Variants in RPS6KC1 observed in about 807,000 individuals in gnomAD.
RPS6KC1 encodes the protein inactive ribosomal protein S6 kinase delta-1.
A neutral mutation model predicts 103.8 loss-of-function variants in RPS6KC1; 54 were observed. That is an observed-to-expected ratio of 0.52 (90% CI 0.42 to 0.65). The LOEUF (loss-of-function observed/expected upper bound fraction) is 0.65. Ranked by LOEUF, RPS6KC1 falls within the 30% of genes least tolerant of loss-of-function variation. The pLI, the probability that RPS6KC1 is intolerant of heterozygous loss-of-function variation, is 0.00. For synonymous variants in RPS6KC1, 439 were observed against 438.7 expected, an observed-to-expected ratio of 1.00 and a Z score of -0.01; for missense variants, 1,151 against 1,253.8, an observed-to-expected ratio of 0.92 and a Z score of 1.24.
chr1:213,116,064 T>C (rs1171305820), intron 4 of RPS6KC1, among the ~76,000 whole-genome samples: 9 of 152,014 alleles, frequency 5.9e-5, no homozygotes, highest in Admixed American at 2.0e-4. Context: ...AGATATCTAT[T>C]AGGTCCGCTT....
the RPS6KC1 span, among the ~76,000 whole-genome samples, chr1:213,723,567 C>T: frequency 3.3e-5 from 5 of 152,284 alleles, no homozygotes; most frequent in Admixed American, 3.3e-4. Context: ...CTCATTTTAC[C>T]TTAGTTACCT....
At chr1:213,240,592 T>G (rs1364991271) in intron 10 of RPS6KC1, 110 bp from the exon 11 acceptor site, 1 of 882,616 alleles carries the variant, frequency 1.1e-6, no homozygotes, top group Non-Finnish European at 1.8e-6. Flanking sequence ...TGGATATTAT[T>G]GACTTGTTTT....
chr1:213,535,105 G>T, the RPS6KC1 span, among the ~76,000 whole-genome samples: 9 of 152,208 alleles, frequency 5.9e-5, no homozygotes, highest in African/African-American at 1.9e-4. Flanking sequence ...GGTCAAGCAG[G>T]CTCCATATGG....
chr1:213,592,498 CT>C, the RPS6KC1 span, among the ~76,000 whole-genome samples: 1 of 152,190 alleles, frequency 6.6e-6, no homozygotes, highest in Non-Finnish European at 1.5e-5. Context: ...GAGCTGAGTA[CT>C]TTTGCCCTTT....
intron 6 of RPS6KC1, among the ~76,000 whole-genome samples, chr1:213,153,951 C>G (rs1390174659): frequency 6.6e-6 from 1 of 152,158 alleles, no homozygotes; most frequent in Non-Finnish European, 1.5e-5. Flanking sequence ...GTGATCTAAG[C>G]TGTTTCTGCT....
At chr1:213,804,023 A>G in the RPS6KC1 span, among the ~76,000 whole-genome samples, 1 of 151,794 alleles carries the variant, frequency 6.6e-6, no homozygotes, top group African/African-American at 2.4e-5. Context: ...TGACAAGTTA[A>G]TGGGTGCAGC....
the RPS6KC1 span, among the ~76,000 whole-genome samples, chr1:213,708,914 G>A: frequency 6.6e-6 from 1 of 152,204 alleles, no homozygotes; most frequent in Admixed American, 6.5e-5. Context: ...CTTGATCATG[G>A]TGGATAAGCT....
intron 8 of RPS6KC1, among the ~76,000 whole-genome samples, chr1:213,196,917 A>G (rs893837832): frequency 1.3e-5 from 2 of 151,622 alleles, no homozygotes; most frequent in African/African-American, 2.4e-5. Context: ...GCTCACTGCA[A>G]CCTCCGCCTC....
the RPS6KC1 span, among the ~76,000 whole-genome samples, chr1:213,593,631 A>G: frequency 6.6e-6 from 1 of 152,140 alleles, no homozygotes; most frequent in African/African-American, 2.4e-5. Flanking sequence ...AAAGGAAGCA[A>G]TGGAAGGGAC....
At chr1:213,797,145 A>C in the RPS6KC1 span, among the ~76,000 whole-genome samples, 1 of 152,242 alleles carries the variant, frequency 6.6e-6, no homozygotes, top group Non-Finnish European at 1.5e-5. Flanking sequence ...ACCATAAAAC[A>C]TCACTTTCAA....
At chr1:213,358,077 A>T in the RPS6KC1 span, among the ~76,000 whole-genome samples, 1 of 152,070 alleles carries the variant, frequency 6.6e-6, no homozygotes, top group East Asian at 1.9e-4. Context: ...TTCATCAGGG[A>T]TATTGGTCTA....
At chr1:213,539,874 C>G in the RPS6KC1 span, among the ~76,000 whole-genome samples, 3 of 152,054 alleles carry the variant, frequency 2.0e-5, no homozygotes, top group Non-Finnish European at 4.4e-5. Flanking sequence ...TTTTGGTTCC[C>G]TAGTACGTAT....
the RPS6KC1 span, among the ~76,000 whole-genome samples, chr1:213,314,605 G>A: frequency 6.6e-6 from 1 of 151,332 alleles, no homozygotes; most frequent in Admixed American, 6.6e-5. Context: ...ATCCTGTGAA[G>A]ACACTTGATT....
At chr1:213,092,348 C>G (rs1191608645) in intron 3 of RPS6KC1, among the ~76,000 whole-genome samples, 2 of 152,054 alleles carry the variant, frequency 1.3e-5, no homozygotes, top group Non-Finnish European at 2.9e-5. Flanking sequence ...ATAATTTAGC[C>G]AAGTAATAGG....
the RPS6KC1 span, among the ~76,000 whole-genome samples, chr1:213,747,953 T>C: frequency 6.6e-6 from 1 of 152,224 alleles, no homozygotes; most frequent in Admixed American, 6.5e-5. Flanking sequence ...CTTTCATGGT[T>C]CCATATGCAT....
chr1:213,640,394 C>T, the RPS6KC1 span, among the ~76,000 whole-genome samples: 11 of 150,748 alleles, frequency 7.3e-5, no homozygotes, highest in East Asian at 2.1e-3. Context: ...TTTCTGTTTT[C>T]AGTTTCATTG....
At chr1:213,319,867 G>T in the RPS6KC1 span, among the ~76,000 whole-genome samples, 1 of 152,298 alleles carries the variant, frequency 6.6e-6, no homozygotes, top group Admixed American at 6.5e-5. Context: ...TTCAATTCAT[G>T]TCCATTCAGA....
the RPS6KC1 span, among the ~76,000 whole-genome samples, chr1:213,668,728 C>T: frequency 1.3e-5 from 2 of 152,138 alleles, no homozygotes; most frequent in African/African-American, 2.4e-5. Flanking sequence ...GCTGTTTTGC[C>T]TCCATTGAAA....
the RPS6KC1 span, among the ~76,000 whole-genome samples, chr1:213,503,088 G>A: frequency 6.6e-6 from 1 of 151,326 alleles, no homozygotes; most frequent in East Asian, 1.9e-4. Flanking sequence ...TGTATTCTGT[G>A]TGTCTTTTCT....
Sources: allele counts gnomAD v4.1 joint callset (sites outside exome capture counted in the v4.1 genomes callset), GRCh38; gene constraint gnomAD v4.1.1; transcripts MANE v1.5; gene names NCBI Gene and HGNC (gene_info 2026-07-23, HGNC 2026-07-21).